The following KIF5C variants were observed in gnomAD, a reference collection of about 807,000 sequenced individuals.
KIF5C encodes kinesin heavy chain isoform 5C.
In KIF5C, 18 loss-of-function variants were observed where a neutral mutation model predicts 125.2. That is an observed-to-expected ratio of 0.14 (90% CI 0.10 to 0.21). The LOEUF is 0.21. KIF5C is among the 10% of genes least tolerant of loss of function. The probability of loss-of-function intolerance (pLI) is 1.00; values close to 1 mark genes in which losing one functional copy is unlikely to be tolerated. For synonymous variants in KIF5C, 405 were observed against 434.0 expected, an observed-to-expected ratio of 0.93 and a Z score of 0.83; for missense variants, 780 against 1,183.8, an observed-to-expected ratio of 0.66 and a Z score of 5.01.
rs1034846691 is a variant in KIF5C, at chr2:148,891,759, G to A, written c.126+16016G>A. On this transcript the variant is annotated intron_variant, in intron 1 of 25. Coordinates refer to ENST00000435030, the MANE Select transcript of KIF5C (RefSeq NM_004522.3). ...GTTGCCCAGGCTGGAGTGCAATGGC[G>A]TGATCTCTGCTCACTGCAACCTCCA... is the stretch of plus-strand genomic sequence containing the variant. Among the ~76,000 whole-genome samples the A allele has an allele frequency of 3.3e-5, 5 of 152,110 alleles. No individual in the cohort carries two copies. In the South Asian group the frequency reaches 8.3e-4, roughly 25 times the overall value.
intron 10 of KIF5C, among the ~76,000 whole-genome samples, chr2:148,955,358 A>C (rs1313497985): frequency 2.0e-5 from 3 of 152,178 alleles, no homozygotes; most frequent in African/African-American, 7.2e-5. Context: ...AGCTGACTTT[A>C]AGCAAGGCAG....
intron 25 of KIF5C, among the ~76,000 whole-genome samples, chr2:149,022,053 G>A (rs1198050409): frequency 6.6e-6 from 1 of 152,164 alleles, no homozygotes; most frequent in African/African-American, 2.4e-5. Context: ...CTTCTGGTGG[G>A]AAGTGGAATG....
intron 1 of KIF5C, among the ~76,000 whole-genome samples, chr2:148,880,240 C>G (rs1681308746): frequency 6.6e-6 from 1 of 152,166 alleles, no homozygotes; most frequent in African/African-American, 2.4e-5. Flanking sequence ...CCTGCCTCAG[C>G]CTCCCAGGTA....
At chr2:148,946,362 G>A (rs568916038) in intron 7 of KIF5C, among the ~76,000 whole-genome samples, 1 of 152,260 alleles carries the variant, frequency 6.6e-6, no homozygotes, top group Admixed American at 6.5e-5. Context: ...TCTTAATGAA[G>A]CATATTTAAT....
chr2:148,980,774 C>T (rs1029110266), intron 13 of KIF5C, among the ~76,000 whole-genome samples: 42 of 151,830 alleles, frequency 2.8e-4, no homozygotes, highest in African/African-American at 9.2e-4. Flanking sequence ...GGCATCATCT[C>T]GGCTCACTAC....
In KIF5C at chr2:148,973,424, T is replaced by C. The variant is rs779583738; in HGVS notation, c.1206T>C (p.Ile402=). The part of the protein sequence containing the change: ...PCDNTPIIDN[I]APVVAGISTE... The stretch of plus-strand genomic sequence containing the variant: ...ATAACACCCCCATCATAGACAATAT[T>C]GCTCCTGTTGTTGCTGGCATCTCTA... Residue 402 remains isoleucine, a synonymous_variant, in exon 12 of 26, where the codon ATT becomes ATC. Transcript: ENST00000435030. 4 of 1,613,638 alleles carry C rather than the reference T, an allele frequency of 2.5e-6. No homozygotes were observed. The highest frequency in any genetic ancestry group is 2.7e-5 in the African/African-American group (2 of 74,920).
chr2:148,949,663 C>T (rs1030421460), intron 8 of KIF5C, among the ~76,000 whole-genome samples, 176 bp from the exon 9 acceptor site: 5 of 152,312 alleles, frequency 3.3e-5, no homozygotes, highest in South Asian at 2.1e-4. Flanking sequence ...GCAGGAGAGA[C>T]CAAATCCCCA....
chr2:148,884,452 A>C (rs1681455205), intron 1 of KIF5C: 1 of 152,196 alleles, frequency 6.6e-6, no homozygotes, highest in Non-Finnish European at 1.5e-5. Context: ...CTCTTTTAGA[A>C]AATTTATTAT....
intron 1 of KIF5C, among the ~76,000 whole-genome samples, chr2:148,905,870 C>G (rs183008655): frequency 6.6e-6 from 1 of 152,152 alleles, no homozygotes; most frequent in Non-Finnish European, 1.5e-5. Context: ...ATGTCTTACA[C>G]GATGGCAGGC....
At chr2:148,998,309 G>A in intron 18 of KIF5C, 91 bp from the exon 19 acceptor site, 1 of 1,524,910 alleles carries the variant, frequency 6.6e-7, no homozygotes, top group Non-Finnish European at 8.9e-7. Flanking sequence ...GAGGGACACA[G>A]GGAAGGAGGT....
At chr2:148,884,236 A>G (rs926970626) in intron 1 of KIF5C, 1 of 152,192 alleles carries the variant, frequency 6.6e-6, no homozygotes, top group Non-Finnish European at 1.5e-5. Context: ...ATCAAAAGCT[A>G]AATCTCTCTC....
intron 25 of KIF5C, among the ~76,000 whole-genome samples, chr2:149,018,840 A>G (rs924270151): frequency 1.3e-5 from 2 of 151,538 alleles, no homozygotes; most frequent in Admixed American, 6.6e-5. Context: ...TCTCAAAAAA[A>G]CAAACAAAAA....
rs1329763490 is a variant in KIF5C, at chr2:149,025,413, T to G, written c.*2343T>G. 2 of 152,654 alleles carry G rather than the reference T, an allele frequency of 1.3e-5. No individual in the cohort carries two copies. The highest frequency in any genetic ancestry group is 1.3e-4 in the Admixed American group (2 of 15,282). 9.5% of individuals were successfully genotyped at this position (152,654 alleles called of 1,614,324 possible). A position where few individuals can be genotyped will look rare whatever the true frequency, so the allele number is the denominator to read the frequency against. On this transcript the variant is annotated 3_prime_UTR_variant, in exon 26 of 26. Transcript: ENST00000435030. ...TCAAATGGATCCTTAAATATTGCTA[T>G]GTATAATAAGCCAGTTATTATATCA...
Position 149,010,126 on chromosome 2 carries a change from C to A in KIF5C, c.2551-9C>A. 1 of 1,542,680 alleles carries A rather than the reference C, an allele frequency of 6.5e-7. No homozygotes were observed. The highest frequency in any genetic ancestry group is 8.8e-7 in the Non-Finnish European group (1 of 1,142,406). On this transcript the variant is annotated splice_polypyrimidine_tract_variant and intron_variant, in intron 23 of 25. Coordinates refer to ENST00000435030, the MANE Select transcript of KIF5C (RefSeq NM_004522.3). ...GTAGTAACTCCCTTCCTTTATCCTC[C>A]TGCCCCAGCTGGTCCGGGACAACGC...
At chr2:148,927,982 G>C (rs922084885) in intron 2 of KIF5C, among the ~76,000 whole-genome samples, 6 of 151,240 alleles carry the variant, frequency 4.0e-5, no homozygotes, top group Non-Finnish European at 7.4e-5. Context: ...AAAAAATCCT[G>C]CCACTTAATT....
chr2:148,892,899 A>G (rs1681747058), intron 1 of KIF5C, among the ~76,000 whole-genome samples: 2 of 152,236 alleles, frequency 1.3e-5, no homozygotes, highest in Non-Finnish European at 2.9e-5. Flanking sequence ...ATATATCATG[A>G]AGATAATTTT....
At chr2:148,897,316 C>G (rs1467967089) in intron 1 of KIF5C, among the ~76,000 whole-genome samples, 1 of 152,078 alleles carries the variant, frequency 6.6e-6, no homozygotes, top group African/African-American at 2.4e-5. Flanking sequence ...AAGTTTAATT[C>G]ATGAACCAGC....
In KIF5C at chr2:148,958,133, G is replaced by A. The variant is rs901625488; in HGVS notation, c.969-3838G>A. On this transcript the variant is annotated intron_variant, in intron 10 of 25. Coordinates refer to ENST00000435030, the MANE Select transcript of KIF5C (RefSeq NM_004522.3). ...GGATATTTGGATTATTTTCATGTTG[G>A]GGTGATTATAAATAAAGTTACTATG... Among the ~76,000 whole-genome samples, 19 of 152,152 alleles carry A rather than the reference G, an allele frequency of 1.2e-4. No homozygotes were observed. In the South Asian group the frequency reaches 2.9e-3, roughly 23 times the overall value.
At chr2:148,933,137 T>A (rs1682215574) in intron 3 of KIF5C, among the ~76,000 whole-genome samples, 1 of 152,092 alleles carries the variant, frequency 6.6e-6, no homozygotes, top group African/African-American at 2.4e-5. Context: ...TTCCTGTACT[T>A]GGTTCTCCCA....
Sources: allele counts gnomAD v4.1 joint callset (sites outside exome capture counted in the v4.1 genomes callset), GRCh38; gene constraint gnomAD v4.1.1; transcripts MANE v1.5; gene names NCBI Gene and HGNC (gene_info 2026-07-23, HGNC 2026-07-21).